The following MIB1 variants were observed in gnomAD, a reference collection of about 807,000 sequenced individuals.
MIB1 encodes MIB E3 ubiquitin protein ligase 1.
Under a neutral mutation model 124.5 loss-of-function variants are expected in MIB1, and 278 were observed. The observed-to-expected ratio is 2.23, with a 90% CI of 2.02 to 2.47. The LOEUF (loss-of-function observed/expected upper bound fraction) is 2.47, where lower values mean the gene tolerates loss of function less well. Among genes scored for constraint, MIB1 ranks in the 30% most tolerant of loss-of-function variants. The pLI is 0.00. For missense variants in MIB1, 957 were observed against 1,254.4 expected, an observed-to-expected ratio of 0.76 and a Z score of 3.58; for synonymous variants, 446 against 429.4, an observed-to-expected ratio of 1.04 and a Z score of -0.48.
At chr18:21,749,446 CTT>C (rs2040948587) in intron 1 of MIB1, among the ~76,000 whole-genome samples, 1 of 152,068 alleles carries the variant, frequency 6.6e-6, no homozygotes, top group Non-Finnish European at 1.5e-5. Flanking sequence ...CAACAAGTAT[CTT>C]TGTGTATACA....
chr18:21,727,879 TCA>T (rs1288010414), intron 1 of MIB1, among the ~76,000 whole-genome samples: 1 of 152,064 alleles, frequency 6.6e-6, no homozygotes, highest in Non-Finnish European at 1.5e-5. Context: ...CTGCAAGCAA[TCA>T]CATGAACTTG....
intron 7 of MIB1, among the ~76,000 whole-genome samples, chr18:21,792,698 A>G (rs995977601): frequency 9.2e-5 from 14 of 152,254 alleles, no homozygotes; most frequent in African/African-American, 9.6e-5. Flanking sequence ...TATACATACA[A>G]TATTACAAGA....
At chr18:21,757,903 A>G (rs2041052934) in intron 1 of MIB1, among the ~76,000 whole-genome samples, 1 of 152,164 alleles carries the variant, frequency 6.6e-6, no homozygotes, top group Non-Finnish European at 1.5e-5. Flanking sequence ...TAGATACGTA[A>G]TTATTCTTTA....
intron 1 of MIB1, among the ~76,000 whole-genome samples, chr18:21,714,410 A>C (rs1482427949): frequency 6.6e-6 from 1 of 152,196 alleles, no homozygotes; most frequent in Non-Finnish European, 1.5e-5. Context: ...AGGTGGATCC[A>C]CAGACCTCTA....
upstream of MIB1, among the ~76,000 whole-genome samples, chr18:21,738,801 C>T (rs558620627): frequency 1.6e-5 from 1 of 62,652 alleles, no homozygotes. Context: ...AGTGAGACTC[C>T]ATCTCAAAAA....
chr18:21,717,503 A>G (rs1166121991), intron 1 of MIB1, among the ~76,000 whole-genome samples: 2 of 152,234 alleles, frequency 1.3e-5, no homozygotes, highest in African/African-American at 2.4e-5. Context: ...ACATCTGACA[A>G]AGGACTAATA....
intron 10 of MIB1, among the ~76,000 whole-genome samples, chr18:21,813,291 C>CTAGTTACTAGAGAGATTAACT (rs2041795430): frequency 6.7e-6 from 1 of 150,248 alleles, no homozygotes; most frequent in Non-Finnish European, 1.5e-5. Flanking sequence ...ATATCTGTTA[C>CTAGTTACTAGAGAGATTAACT]TAGAGAGATT....
chr18:21,740,179 A>C (rs974381340), upstream of MIB1, among the ~76,000 whole-genome samples: 3 of 152,206 alleles, frequency 2.0e-5, no homozygotes, highest in African/African-American at 7.2e-5. Context: ...AATAACGGCA[A>C]CCAGAAACTT....
chr18:21,742,463 C>T (rs1038895899), intron 1 of MIB1, among the ~76,000 whole-genome samples: 5 of 152,024 alleles, frequency 3.3e-5, no homozygotes, highest in African/African-American at 9.7e-5. Flanking sequence ...TTCCAAGTGG[C>T]AGATCGGCGT....
At chr18:21,840,647 ATATATATATATATATATATTTTT>A (rs1568222950) in intron 13 of MIB1, among the ~76,000 whole-genome samples, 3 of 36,162 alleles carry the variant, frequency 8.3e-5, no homozygotes, top group Non-Finnish European at 2.2e-4. Flanking sequence ...ATATATATAT[ATATATATATATATATATATTTTT>A]TTTTTTTTTT....
chr18:21,857,136 C>CT lies in MIB1; in HGVS notation c.2673dup (p.Asn892Ter). The CT allele has an allele frequency of 6.2e-7, 1 of 1,613,002 alleles. No homozygotes were observed. The highest frequency in any genetic ancestry group is 8.5e-7 in the Non-Finnish European group (1 of 1,178,946). ...CTGTGTTACCGTTTTCCAGACTGTG[C>CT]TAACCTGATGAAAAAGTGTGTGCAG... On this transcript the variant is annotated frameshift_variant, in exon 19 of 21. Transcript: ENST00000261537. LOFTEE classifies it high-confidence loss of function.
chr18:21,731,570 A>G (rs571343759), intron 1 of MIB1, among the ~76,000 whole-genome samples: 1 of 152,152 alleles, frequency 6.6e-6, no homozygotes, highest in East Asian at 1.9e-4. Flanking sequence ...CGTCTCTACT[A>G]TAAATACAAA....
chr18:21,845,303 C>T (rs1348049421), intron 15 of MIB1, among the ~76,000 whole-genome samples: 1 of 152,168 alleles, frequency 6.6e-6, no homozygotes, highest in Non-Finnish European at 1.5e-5. Context: ...AGCCACCACA[C>T]CCAGCCCTTT....
chr18:21,808,116 A>T (rs2041729210), intron 10 of MIB1, among the ~76,000 whole-genome samples: 1 of 152,244 alleles, frequency 6.6e-6, no homozygotes, highest in African/African-American at 2.4e-5. Context: ...TTACACCTAA[A>T]AATGGTAATA....
At chr18:21,709,807 T>A (rs1287419652) in intron 1 of MIB1, among the ~76,000 whole-genome samples, 2 of 152,130 alleles carry the variant, frequency 1.3e-5, no homozygotes, top group Non-Finnish European at 2.9e-5. Context: ...AGAAAAGACT[T>A]CCTGACAGAG....
At chr18:21,773,444 G>A (rs1266048386) in intron 3 of MIB1, among the ~76,000 whole-genome samples, 180 bp from the exon 4 acceptor site, 1 of 152,110 alleles carries the variant, frequency 6.6e-6, no homozygotes. Context: ...GGAAAAATAT[G>A]GCTCTAATGA....
intron 1 of MIB1, among the ~76,000 whole-genome samples, chr18:21,734,287 A>T (rs2040785359): frequency 6.6e-6 from 1 of 151,080 alleles, no homozygotes; most frequent in South Asian, 2.1e-4. Context: ...TTGGATTTTT[A>T]TTAGAGACGG....
At chr18:21,759,765 C>A (rs952454153) in intron 1 of MIB1, among the ~76,000 whole-genome samples, 2 of 152,176 alleles carry the variant, frequency 1.3e-5, no homozygotes, top group African/African-American at 4.8e-5. Context: ...ATGTATTTAA[C>A]TGCTTGTAGT....
In MIB1 at chr18:21,866,806, T is replaced by C. The variant is rs1175647462; in HGVS notation, c.*2140T>C. The C allele has an allele frequency of 6.6e-6, 1 of 152,398 alleles. No individual in the cohort carries two copies. The highest frequency in any genetic ancestry group is 1.5e-5 in the Non-Finnish European group (1 of 68,036). 9.4% of individuals were successfully genotyped at this position (152,398 alleles called of 1,614,324 possible). A position where few individuals can be genotyped will look rare whatever the true frequency, so the allele number is the denominator to read the frequency against. ...ATTATAATTTTAGTGCTAGTACTTG[T>C]GGGTTTTCTGTATTTGTATCACCTT... On this transcript the variant is annotated 3_prime_UTR_variant, in exon 21 of 21. Transcript: ENST00000261537.
Sources: allele counts gnomAD v4.1 joint callset (sites outside exome capture counted in the v4.1 genomes callset), GRCh38; gene constraint gnomAD v4.1.1; transcripts MANE v1.5; gene names NCBI Gene and HGNC (gene_info 2026-07-23, HGNC 2026-07-21).